The following TRIM11 variants were observed in gnomAD, a reference collection of about 807,000 sequenced individuals.
TRIM11 encodes the protein E3 ubiquitin-protein ligase TRIM11.
In TRIM11, 15 loss-of-function variants were observed where a neutral mutation model predicts 33.4. That is an observed-to-expected ratio of 0.45 (90% CI 0.30 to 0.69). The LOEUF (loss-of-function observed/expected upper bound fraction) is 0.69. Among genes scored for constraint, TRIM11 ranks in the 30% least tolerant of loss-of-function variants. The probability of loss-of-function intolerance (pLI) is 0.08; values close to 1 mark genes in which losing one functional copy is unlikely to be tolerated. For missense variants in TRIM11, 499 were observed against 667.6 expected (o/e 0.75, Z 2.78); for synonymous variants, 281 against 302.6 (o/e 0.93, Z 0.74).
chr1:228,394,426 G>A lies in TRIM11; in HGVS notation c.*279C>T. 1 of 463,850 alleles carries A rather than the reference G, an allele frequency of 2.2e-6. No homozygotes were observed. Among genetic ancestry groups the A allele is most frequent in the East Asian group, 3.4e-5 (1 of 29,336 alleles). 28.7% of individuals were successfully genotyped at this position (463,850 alleles called of 1,614,324 possible). A position where few individuals can be genotyped will look rare whatever the true frequency, so the allele number is the denominator to read the frequency against. On this transcript the variant is annotated 3_prime_UTR_variant, in exon 6 of 6. Coordinates refer to ENST00000284551, the MANE Select transcript of TRIM11 (RefSeq NM_145214.3). This position sits in a 1 kb window ranked among gnomAD's most constrained non-coding sequence, Gnocchi z 6.2. ...CTGGAACCACAGGCCAGAGCTGCCG[G>A]GGCAATGGGGCTCCCAGCTTTGGTA...
At chr1:228,405,110 T>C (rs1656355297) in intron 1 of TRIM11, 1 of 152,300 alleles carries the variant, frequency 6.6e-6, no homozygotes. Context: ...AGGGTAATTC[T>C]GCTGGGCTAA....
intron 5 of TRIM11, 100 bp downstream of exon 5, chr1:228,396,847 G>C: frequency 9.2e-7 from 1 of 1,086,718 alleles, no homozygotes; most frequent in South Asian, 1.2e-5. Context: ...TGTGAGTTTG[G>C]AGCTGGCAGT....
At position 228,406,212 on chromosome 1, in the gene TRIM11, G is replaced by C; in HGVS notation, c.350C>G (p.Ser117Cys). 1 of 1,481,846 alleles carries C rather than the reference G, an allele frequency of 6.7e-7. No homozygotes were observed. Among genetic ancestry groups the C allele is most frequent in the Non-Finnish European group, 8.9e-7 (1 of 1,125,040 alleles). 91.8% of individuals were successfully genotyped at this position (1,481,846 alleles called of 1,614,324 possible). Residue 117 changes from serine to cysteine, a missense_variant, in exon 1 of 6, where the codon TCT (serine) becomes TGT (cysteine). Physicochemically the swap from Ser to Cys is moderately radical, Grantham distance 112. Transcript: ENST00000284551. This position sits in a 1 kb window ranked among gnomAD's most constrained non-coding sequence, Gnocchi z 8.2. ...CACGCGGTGCGCCCAGTGCTCCCCAGAGCGCTCGCAGGCCGCACACAGGAG... is the reference window on the plus strand; with the variant it reads ...CACGCGGTGCGCCCAGTGCTCCCCACAGCGCTCGCAGGCCGCACACAGGAG... Reference protein sequence around the residue: ...LRLLCAACERSGEHWAHRVRP... With the variant: ...LRLLCAACERCGEHWAHRVRP...
chr1:228,404,797 C>T lies in TRIM11; in HGVS notation c.408+1357G>A, dbSNP rs1656344798. ...ATTTATCAGTCCTAGACGCCCAATC[C>T]CATTTCTGTGTCCAGTCACTTCTCC... is the stretch of plus-strand genomic sequence containing the variant. On this transcript the variant is annotated intron_variant, in intron 1 of 5. Coordinates refer to ENST00000284551, the MANE Select transcript of TRIM11 (RefSeq NM_145214.3). The T allele has an allele frequency of 3.3e-5, 5 of 152,360 alleles. No homozygotes were observed. The South Asian group carries it at 1.0e-3, about 32-fold the overall frequency. The allele number at this position is 152,360 out of a possible 1,614,324, so 9.4% of individuals were successfully genotyped here.
rs917612761 is a variant in TRIM11, at chr1:228,400,603, G to A, written c.735+361C>T. Among the ~76,000 whole-genome samples the A allele has an allele frequency of 6.6e-6, 1 of 152,176 alleles. No individual in the cohort carries two copies. Among genetic ancestry groups the A allele is most frequent in the Non-Finnish European group, 1.5e-5 (1 of 68,012 alleles). ...GGGACACCATGGCAGGAATCCTATGGGAGGCCCAAGGTGGTCCCAGCGAGC... is the reference window on the plus strand; with the variant it reads ...GGGACACCATGGCAGGAATCCTATGAGAGGCCCAAGGTGGTCCCAGCGAGC... On this transcript the variant is annotated intron_variant, in intron 3 of 5. Transcript: ENST00000284551. The surrounding 1 kb of genome is among the most constrained non-coding windows in gnomAD (Gnocchi z 4.5).
rs1443829734 is a variant in TRIM11 at position 228,406,784 on chromosome 1, G to A, written c.-223C>T. ...TGGGCGCGTAGGCTCCGAGCGCTCG[G>A]GGGACGCGGGACGTAGGGATCCCGG... On this transcript the variant is annotated 5_prime_UTR_variant, in exon 1 of 6. Coordinates refer to ENST00000284551, the MANE Select transcript of TRIM11 (RefSeq NM_145214.3). This position sits in a 1 kb window ranked among gnomAD's most constrained non-coding sequence, Gnocchi z 8.2. 1 of 383,268 alleles carries A rather than the reference G, an allele frequency of 2.6e-6. No homozygotes were observed. The highest frequency in any genetic ancestry group is 4.5e-6 in the Non-Finnish European group (1 of 219,940). 23.7% of individuals were successfully genotyped at this position (383,268 alleles called of 1,614,324 possible). A position where few individuals can be genotyped will look rare whatever the true frequency, so the allele number is the denominator to read the frequency against.
chr1:228,399,234 C>T (rs2075010996), intron 3 of TRIM11, among the ~76,000 whole-genome samples: 1 of 152,186 alleles, frequency 6.6e-6, no homozygotes, highest in Non-Finnish European at 1.5e-5. Context: ...CAGCACACAG[C>T]TCACATCAAC....
intron 3 of TRIM11, among the ~76,000 whole-genome samples, chr1:228,398,639 A>G (rs557788871): frequency 6.6e-6 from 1 of 152,258 alleles, no homozygotes; most frequent in South Asian, 2.1e-4. Flanking sequence ...AAATAAATAA[A>G]TAAAGAGGAG....
Position 228,401,268 on chromosome 1 carries a change from C to G in TRIM11, c.505-74G>C. The G allele has an allele frequency of 6.6e-7, 1 of 1,525,562 alleles. No individual in the cohort carries two copies. Among genetic ancestry groups the G allele is most frequent in the Non-Finnish European group, 8.8e-7 (1 of 1,131,600 alleles). 94.5% of individuals were successfully genotyped at this position (1,525,562 alleles called of 1,614,324 possible). A position where few individuals can be genotyped will look rare whatever the true frequency, so the allele number is the denominator to read the frequency against. Reference sequence around the variant, plus strand: ...CCAGACCCCAAGTTTGGTCAGACCCCAAGCCCACCCAGAGGCCTGGCTGCA... The same window carrying G: ...CCAGACCCCAAGTTTGGTCAGACCCGAAGCCCACCCAGAGGCCTGGCTGCA... On this transcript the variant is annotated intron_variant, in intron 2 of 5. Transcript: ENST00000284551. The surrounding 1 kb of genome is among the most constrained non-coding windows in gnomAD (Gnocchi z 6.1).
At chr1:228,405,039 C>T (rs1200145736) in intron 1 of TRIM11, 1 of 152,188 alleles carries the variant, frequency 6.6e-6, no homozygotes, top group Non-Finnish European at 1.5e-5. Context: ...GAAACTATAT[C>T]GAGTCAACTC....
Position 228,406,094 on chromosome 1 carries a change from C to G in TRIM11, c.408+60G>C, listed in dbSNP as rs1471031471. ...CAGTCCCCCAAACCTCCCACCCGCCCAGGCCTCCCCAGTCCCCGGCTCCCC... is the reference window on the plus strand; with the variant it reads ...CAGTCCCCCAAACCTCCCACCCGCCGAGGCCTCCCCAGTCCCCGGCTCCCC... On this transcript the variant is annotated intron_variant, in intron 1 of 5. Coordinates refer to ENST00000284551, the MANE Select transcript of TRIM11 (RefSeq NM_145214.3). The surrounding 1 kb of genome is among the most constrained non-coding windows in gnomAD (Gnocchi z 8.2). The G allele has an allele frequency of 1.5e-6, 2 of 1,310,390 alleles. No homozygotes were observed. Among genetic ancestry groups the G allele is most frequent in the African/African-American group, 3.1e-5 (2 of 64,254 alleles). The allele number at this position is 1,310,390 out of a possible 1,614,324, so 81.2% of individuals were successfully genotyped here. A position where few individuals can be genotyped will look rare whatever the true frequency, so the allele number is the denominator to read the frequency against.
intron 5 of TRIM11, chr1:228,396,659 G>T (rs1170018468): frequency 1.4e-6 from 1 of 715,432 alleles, no homozygotes; most frequent in Admixed American, 2.0e-5. Context: ...TAATCTGTGG[G>T]GTCTGTACTA....
At position 228,394,984 on chromosome 1, in the gene TRIM11, GC is replaced by G. The variant is rs776474683; in HGVS notation, c.1127del (p.Gly376AlafsTer77). 1 of 1,614,174 alleles carries G rather than the reference GC, an allele frequency of 6.2e-7. No individual in the cohort carries two copies. Among genetic ancestry groups the G allele is most frequent in the Admixed American group, 1.7e-5 (1 of 60,028 alleles). ...KEKGELSAGN[G>X]FWILVFLGSY... ...TCCCCAGGAAGACCAGGATCCAGAA[GC>G]CGTTGCCCGCGGACAGCTCGCCCTT... is the stretch of plus-strand genomic sequence containing the variant. On this transcript the variant is annotated frameshift_variant, in exon 6 of 6. Coordinates refer to ENST00000284551, the MANE Select transcript of TRIM11 (RefSeq NM_145214.3). LOFTEE classifies it low-confidence loss of function (END_TRUNC). The surrounding 1 kb of genome is among the most constrained non-coding windows in gnomAD (Gnocchi z 6.2).
At chr1:228,402,764 CAT>C (rs1656279082) in intron 1 of TRIM11, 1 of 152,256 alleles carries the variant, frequency 6.6e-6, no homozygotes, top group South Asian at 2.1e-4. Context: ...CCCCTTTCAC[CAT>C]ATGACAACAC....
chr1:228,397,377 T>G, intron 3 of TRIM11: 1 of 616,636 alleles, frequency 1.6e-6, no homozygotes, highest in Non-Finnish European at 2.9e-6. Context: ...CCAGGAGGCA[T>G]CACCAATGGG....
Position 228,395,282 on chromosome 1 carries a change from C to A in TRIM11, c.860-30G>T. On this transcript the variant is annotated intron_variant, in intron 5 of 5. Transcript: ENST00000284551. This position sits in a 1 kb window ranked among gnomAD's most constrained non-coding sequence, Gnocchi z 4.8. ...AGAGAGAGGCCCAAGGTCACCCAGG[C>A]ACAGCCACAGGCAAGCTGGGGCCAT... 1 of 1,423,284 alleles carries A rather than the reference C, an allele frequency of 7.0e-7. No individual in the cohort carries two copies. Among genetic ancestry groups the A allele is most frequent in the African/African-American group, 1.4e-5 (1 of 69,910 alleles). 88.2% of individuals were successfully genotyped at this position (1,423,284 alleles called of 1,614,324 possible). A position where few individuals can be genotyped will look rare whatever the true frequency, so the allele number is the denominator to read the frequency against.
rs1332492428 is a variant in TRIM11 at position 228,406,298 on chromosome 1, C to A, written c.264G>T (p.Pro88=). The change falls in exon 1 of 6, where the codon CCG becomes CCT. Residue 88 remains proline, a synonymous_variant. Transcript: ENST00000284551. The surrounding 1 kb of genome is among the most constrained non-coding windows in gnomAD (Gnocchi z 8.2). ...CGCGGTGCGCGGGGCACACGCCCTG[C>A]GGGACCGGCGACGGCGGGTGCAGGC... is the stretch of plus-strand genomic sequence containing the variant. The part of the protein sequence containing the change: ...ARRLHPPSPV[P]QGVCPAHREP... 2.0e-6 allele frequency: 3 copies of A among 1,476,924 alleles called. No homozygotes were observed. Among genetic ancestry groups the A allele is most frequent in the East Asian group, 2.7e-5 (1 of 36,374 alleles). The allele number at this position is 1,476,924 out of a possible 1,614,324, so 91.5% of individuals were successfully genotyped here. A position where few individuals can be genotyped will look rare whatever the true frequency, so the allele number is the denominator to read the frequency against.
intron 3 of TRIM11, among the ~76,000 whole-genome samples, chr1:228,398,116 G>A (rs2075002154): frequency 6.6e-6 from 1 of 152,140 alleles, no homozygotes; most frequent in Non-Finnish European, 1.5e-5. Context: ...ATCTCTTAGA[G>A]CAGTCTTCAG....
rs1260358349 is a variant in TRIM11, at chr1:228,406,170, G to A, written c.392C>T (p.Ala131Val). 7.1e-7 allele frequency: 1 copy of A among 1,410,408 alleles called. No individual in the cohort carries two copies. Among genetic ancestry groups the A allele is most frequent in the Non-Finnish European group, 9.2e-7 (1 of 1,090,360 alleles). The allele number at this position is 1,410,408 out of a possible 1,614,324, so 87.4% of individuals were successfully genotyped here. ...WAHRVRPLQD[A>V]AEDLKAKLEK... ...CAGGAGCACCTTGAGGTCTTCGGCC[G>A]CGTCCTGCAGCGGCCGCACGCGGTG... The change falls in exon 1 of 6, where the codon GCG becomes GTG. Residue 131 changes from alanine to valine, a missense_variant. Transcript: ENST00000284551. The surrounding 1 kb of genome is among the most constrained non-coding windows in gnomAD (Gnocchi z 8.2).
Sources: allele counts gnomAD v4.1 joint callset (sites outside exome capture counted in the v4.1 genomes callset), GRCh38; gene constraint gnomAD v4.1.1; non-coding constraint Gnocchi (gnomAD v3.1); transcripts MANE v1.5; gene names NCBI Gene and HGNC (gene_info 2026-07-23, HGNC 2026-07-21).